ELP4: variants seen among roughly 807,000 people sequenced by gnomAD.
The protein encoded by ELP4 is elongator complex protein 4.
In ELP4, 51 loss-of-function variants were observed where a neutral mutation model predicts 48.9. The observed-to-expected ratio is 1.04, with a 90% CI of 0.83 to 1.32. The LOEUF (loss-of-function observed/expected upper bound fraction) is 1.32. ELP4 is among the 40% of genes most tolerant of loss of function. ELP4 has a pLI of 0.00. For missense variants in ELP4, 519 were observed against 514.6 expected (o/e 1.01, Z -0.08); for synonymous variants, 210 against 189.2 (o/e 1.11, Z -0.90).
At chr11:31,780,389 A>G (rs1045772013) in intron 9 of ELP4, among the ~76,000 whole-genome samples, 3 of 152,226 alleles carry the variant, frequency 2.0e-5, no homozygotes, top group African/African-American at 7.2e-5. Context: ...CCACTGCTTG[A>G]GAATTTAGAT....
chr11:31,789,433 G>T lies in ELP4; in HGVS notation c.*5909G>T, dbSNP rs1294687458. On this transcript the variant is annotated 3_prime_UTR_variant, in exon 10 of 10. Transcript: ENST00000640961. ...TTCTGACATAAATCTAGTGCATGTT[G>T]TTCCAGGTTTAATTATATGCAAAGG... The T allele has an allele frequency of 2.4e-6, 1 of 414,610 alleles. No individual in the cohort carries two copies. Among genetic ancestry groups the T allele is most frequent in the African/African-American group, 2.1e-5 (1 of 48,512 alleles). 25.7% of individuals were successfully genotyped at this position (414,610 alleles called of 1,614,324 possible).
At chr11:31,611,383 C>T (rs146989663) in intron 5 of ELP4, among the ~76,000 whole-genome samples, 24 of 152,222 alleles carry the variant, frequency 1.6e-4, no homozygotes, top group Non-Finnish European at 2.6e-4. Flanking sequence ...CAGTATGAGT[C>T]GGCTCTTATC....
intron 3 of ELP4, among the ~76,000 whole-genome samples, chr11:31,560,736 A>ATATATATAAAACAACG (rs1318845157): frequency 6.7e-5 from 4 of 59,674 alleles, no homozygotes; most frequent in African/African-American, 1.0e-4. Flanking sequence ...ATAAAACAAC[A>ATATATATAAAACAACG]TTGTTTTGTA....
At chr11:31,683,745 ATAAT>A (rs1171020066) in intron 9 of ELP4, among the ~76,000 whole-genome samples, 4 of 152,234 alleles carry the variant, frequency 2.6e-5, no homozygotes, top group African/African-American at 9.6e-5. Flanking sequence ...TCACAATTTA[ATAAT>A]TAAAGAGATT....
chr11:31,533,563 AT>A (rs1207914523), intron 2 of ELP4, among the ~76,000 whole-genome samples: 2 of 147,732 alleles, frequency 1.4e-5, no homozygotes, highest in Non-Finnish European at 3.0e-5. Context: ...TTCTTTTTGT[AT>A]TTTTTAGTAG....
At chr11:31,537,594 A>C (rs1051085708) in intron 2 of ELP4, among the ~76,000 whole-genome samples, 2 of 152,210 alleles carry the variant, frequency 1.3e-5, no homozygotes, top group African/African-American at 4.8e-5. Context: ...AGGTTAGAAA[A>C]CTTAAAAGTC....
At position 31,563,695 on chromosome 11, in the gene ELP4, C is replaced by T. The variant is rs1957058913; in HGVS notation, c.381+23912C>T. 2.0e-5 allele frequency among the ~76,000 whole-genome samples: 3 copies of T among 152,102 alleles called. No individual in the cohort carries two copies. The South Asian group carries it at 6.2e-4, about 32-fold the overall frequency. On this transcript the variant is annotated intron_variant, in intron 3 of 9. Coordinates refer to ENST00000640961, the MANE Select transcript of ELP4 (RefSeq NM_019040.5). ...CATTTGGCTAAAAGAGAAATTTCAT[C>T]CTTCCCATCCTGTCATCTGTATAGA...
At chr11:31,772,886 C>CA (rs1237708925) in intron 9 of ELP4, among the ~76,000 whole-genome samples, 1 of 152,212 alleles carries the variant, frequency 6.6e-6, no homozygotes, top group Non-Finnish European at 1.5e-5. Flanking sequence ...CTAGAAACTG[C>CA]AAAAATTATC....
chr11:31,548,303 C>G (rs1453406621), intron 3 of ELP4, among the ~76,000 whole-genome samples: 1 of 152,108 alleles, frequency 6.6e-6, no homozygotes, highest in Non-Finnish European at 1.5e-5. Flanking sequence ...GATACAAAAT[C>G]AATGTACAAA....
intron 7 of ELP4, among the ~76,000 whole-genome samples, chr11:31,643,824 T>G (rs1425591928): frequency 6.6e-6 from 1 of 151,802 alleles, no homozygotes; most frequent in African/African-American, 2.4e-5. Flanking sequence ...ACAAATACTC[T>G]GAAGGTTTTT....
chr11:31,560,808 C>T (rs866969139), intron 3 of ELP4, among the ~76,000 whole-genome samples: 1 of 150,158 alleles, frequency 6.7e-6, no homozygotes, highest in African/African-American at 2.5e-5. Context: ...ACATACACAA[C>T]AGTGGTCCTA....
chr11:31,604,041 G>C, intron 5 of ELP4, 134 bp downstream of exon 5: 2 of 624,858 alleles, frequency 3.2e-6, no homozygotes, highest in Non-Finnish European at 4.8e-6. Flanking sequence ...TATATAATTT[G>C]TAACTTCAAG....
At chr11:31,574,757 G>C (rs1289166421) in intron 3 of ELP4, among the ~76,000 whole-genome samples, 1 of 152,156 alleles carries the variant, frequency 6.6e-6, no homozygotes, top group East Asian at 1.9e-4. Flanking sequence ...AAACAGAAAG[G>C]ACATCCACAC....
chr11:31,701,406 C>T (rs1946519083), intron 9 of ELP4, among the ~76,000 whole-genome samples: 1 of 151,934 alleles, frequency 6.6e-6, no homozygotes, highest in Admixed American at 6.6e-5. Context: ...TGGAAGTACC[C>T]ATGAAGTATT....
chr11:31,539,420 C>CGCAG (rs36038049), intron 2 of ELP4, among the ~76,000 whole-genome samples: 1 of 152,120 alleles, frequency 6.6e-6, no homozygotes, highest in Non-Finnish European at 1.5e-5. Context: ...GCCACTGCAC[C>CGCAG]TCCAGCCTGG....
chr11:31,538,084 T>G (rs1215524265), intron 2 of ELP4, among the ~76,000 whole-genome samples: 1 of 152,034 alleles, frequency 6.6e-6, no homozygotes, highest in Non-Finnish European at 1.5e-5. Flanking sequence ...TTTCGTTAAA[T>G]TTATCCAAAA....
At chr11:31,586,660 CAG>C (rs1308278435) in intron 3 of ELP4, among the ~76,000 whole-genome samples, 6 of 151,188 alleles carry the variant, frequency 4.0e-5, no homozygotes, top group African/African-American at 1.5e-4. Flanking sequence ...TTTTTTGAGA[CAG>C]AGTCTTGCTC....
chr11:31,533,473 G>A (rs573110353), intron 2 of ELP4, among the ~76,000 whole-genome samples: 1 of 141,032 alleles, frequency 7.1e-6, no homozygotes, highest in Admixed American at 7.5e-5. Context: ...CGCCTCCCGA[G>A]TTAACGCCAT....
intron 9 of ELP4, among the ~76,000 whole-genome samples, chr11:31,717,155 G>C (rs1206206270): frequency 6.6e-6 from 1 of 152,206 alleles, no homozygotes; most frequent in African/African-American, 2.4e-5. Context: ...GAATTGAAGG[G>C]ATTTAAGAAC....
Sources: allele counts gnomAD v4.1 joint callset (sites outside exome capture counted in the v4.1 genomes callset), GRCh38; gene constraint gnomAD v4.1.1; transcripts MANE v1.5; gene names NCBI Gene and HGNC (gene_info 2026-07-23, HGNC 2026-07-21).